The following SREBF2 variants were observed in gnomAD, a reference collection of about 807,000 sequenced individuals.
SREBF2 encodes the protein sterol regulatory element binding transcription factor 2, also known as sterol regulatory element-binding protein 2.
In SREBF2, 55 loss-of-function variants were observed where a neutral mutation model predicts 113.1. The ratio of observed to expected loss-of-function variants is 0.49; its 90% confidence interval spans 0.39 to 0.61. The LOEUF (loss-of-function observed/expected upper bound fraction) is 0.61, where lower values mean the gene tolerates loss of function less well. Ranked by LOEUF, SREBF2 falls within the 20% of genes least tolerant of loss-of-function variation. The pLI is 0.00. For synonymous variants in SREBF2, 593 were observed against 605.7 expected (o/e 0.98, Z 0.31); for missense variants, 1,349 against 1,487.4 (o/e 0.91, Z 1.53).
rs760768724 is a variant in SREBF2 at position 41,898,729 on chromosome 22, C to A, written c.2686C>A (p.Arg896Ser). ...GCTCCAGGGAGACGATGCAGCTGTG[C>A]GCTCTCATTTTACCAAAGTGGAACG... ...SWLQGDDAAV[R>S]SHFTKVERIP... The change falls in exon 15 of 19, where the codon CGC becomes AGC. Residue 896 changes from arginine (R) to serine (S), a missense_variant. This residue lies in a region of SREBF2 where 650 missense variants were observed against 644.1 expected (regional missense o/e 1.01). Transcript: ENST00000361204. The A allele has an allele frequency of 6.2e-7, 1 of 1,614,046 alleles. No homozygotes were observed. The highest frequency in any genetic ancestry group is 8.5e-7 in the Non-Finnish European group (1 of 1,179,984).
At chr22:41,850,187 C>T (rs970710987) in intron 1 of SREBF2, among the ~76,000 whole-genome samples, 7 of 151,768 alleles carry the variant, frequency 4.6e-5, no homozygotes, top group African/African-American at 1.5e-4. Context: ...CCGTGGCTTA[C>T]GCCTGTAATC....
chr22:41,836,012 C>A (rs2076771233), intron 1 of SREBF2, among the ~76,000 whole-genome samples: 1 of 152,260 alleles, frequency 6.6e-6, no homozygotes, highest in Non-Finnish European at 1.5e-5. Context: ...GAAACTACCA[C>A]CCTCTGGAAA....
intron 1 of SREBF2, among the ~76,000 whole-genome samples, chr22:41,851,530 G>T (rs2076930324): frequency 6.6e-6 from 1 of 151,640 alleles, no homozygotes; most frequent in Non-Finnish European, 1.5e-5. Flanking sequence ...TCTTGCTCTT[G>T]TCCCCCAGTC....
At chr22:41,846,890 A>C (rs536673632) in intron 1 of SREBF2, among the ~76,000 whole-genome samples, 1 of 152,210 alleles carries the variant, frequency 6.6e-6, no homozygotes, top group African/African-American at 2.4e-5. Flanking sequence ...GGAGTTGGTT[A>C]GGTTTCTCTT....
Position 41,875,631 on chromosome 22 carries a change from G to T in SREBF2, c.1293G>T (p.Met431Ile). The T allele has an allele frequency of 6.2e-7, 1 of 1,614,100 alleles. No homozygotes were observed. The highest frequency in any genetic ancestry group is 1.1e-5 in the South Asian group (1 of 91,078). Residue 431 changes from methionine to isoleucine, a missense_variant, in exon 7 of 19, where the codon ATG becomes ATT. Around this residue, in one of 2 missense-constraint regions of SREBF2, gnomAD observed 699 missense variants for 843.3 expected, o/e 0.83. Transcript: ENST00000361204. The stretch of plus-strand genomic sequence containing the variant: ...ACTTTAATCAGAATGTCCTTCTGAT[G>T]TCCCCCCCAGCCTCTGACTCAGGGT... ...IEDFNQNVLLMSPPASDSGSQ... is the reference protein window; with the variant it reads ...IEDFNQNVLLISPPASDSGSQ...
At position 41,873,851 on chromosome 22, in the gene SREBF2, G is replaced by T. The variant is rs773034267; in HGVS notation, c.921G>T (p.Gly307=). 54 of 1,613,084 alleles carry T rather than the reference G, an allele frequency of 3.3e-5. No homozygotes were observed. The South Asian group carries it at 5.7e-4, about 17-fold the overall frequency. The part of the protein sequence containing the change: ...TILTTMPVMM[G]QEKVPIKQVP... ...TGACCACAATGCCTGTAATGATGGG[G>T]CAAGAGAAAGTGCCCATTAAGCAGG... The change falls in exon 5 of 19, where the codon GGG becomes GGT. Residue 307 remains glycine (G), a synonymous_variant. Transcript: ENST00000361204.
At chr22:41,851,586 C>T (rs182935420) in intron 1 of SREBF2, among the ~76,000 whole-genome samples, 18 of 152,130 alleles carry the variant, frequency 1.2e-4, no homozygotes, top group Admixed American at 8.5e-4. Context: ...CTCCACCTCC[C>T]GGGTTCAAGC....
At chr22:41,905,067 C>T (rs1234387200) in intron 18 of SREBF2, 93 bp downstream of exon 18, 3 of 1,174,622 alleles carry the variant, frequency 2.6e-6, no homozygotes, top group Non-Finnish European at 1.2e-6. Flanking sequence ...CCACATCTGG[C>T]ATTGGTGCCC....
chr22:41,864,330 T>A (rs1436044171), intron 1 of SREBF2, among the ~76,000 whole-genome samples: 6 of 137,884 alleles, frequency 4.4e-5, no homozygotes, highest in South Asian at 2.3e-4. Flanking sequence ...TATATTTTTT[T>A]TTTTTTTTGA....
At chr22:41,875,870 T>C in intron 7 of SREBF2, 146 bp downstream of exon 7, 1 of 968,518 alleles carries the variant, frequency 1.0e-6, no homozygotes, top group Non-Finnish European at 1.6e-6. Flanking sequence ...ATTAGCCAGG[T>C]CCTGGAGAAT....
chr22:41,882,818 A>G (rs192372915), intron 10 of SREBF2, among the ~76,000 whole-genome samples: 41 of 152,324 alleles, frequency 2.7e-4, no homozygotes, highest in Admixed American at 1.1e-3. Flanking sequence ...AAAAGAAAGG[A>G]TAAAGGCTGG....
At chr22:41,857,899 A>G (rs2076992421) in intron 1 of SREBF2, among the ~76,000 whole-genome samples, 1 of 152,188 alleles carries the variant, frequency 6.6e-6, no homozygotes, top group Admixed American at 6.5e-5. Flanking sequence ...TGGTTGAAAG[A>G]GCCCAGTTCC....
Position 41,851,681 on chromosome 22 carries a change from G to A in SREBF2, c.89-15150G>A, listed in dbSNP as rs563540845. On this transcript the variant is annotated intron_variant, in intron 1 of 18. Transcript: ENST00000361204. ...GCTGATTTTTTGTATTTTAAGTAGA[G>A]AGAGGGTTTCACCCTGTTGGCCAGG... Among the ~76,000 whole-genome samples the A allele has an allele frequency of 1.4e-4, 22 of 152,068 alleles. No individual in the cohort carries two copies. In the East Asian group the frequency reaches 4.3e-3, roughly 30 times the overall value.
intron 15 of SREBF2, 143 bp from the exon 16 acceptor site, chr22:41,900,187 T>C: frequency 1.3e-6 from 2 of 1,521,832 alleles, no homozygotes; most frequent in South Asian, 1.2e-5. Flanking sequence ...GCTGGTGGCA[T>C]GGTGCCATAG....
intron 1 of SREBF2, among the ~76,000 whole-genome samples, chr22:41,841,176 G>A (rs1291635490): frequency 6.6e-6 from 1 of 152,166 alleles, no homozygotes; most frequent in Non-Finnish European, 1.5e-5. Context: ...GGTGGAGGTG[G>A]GAGAAGAGTG....
chr22:41,848,999 T>A (rs2076902916), intron 1 of SREBF2, among the ~76,000 whole-genome samples: 1 of 152,110 alleles, frequency 6.6e-6, no homozygotes. Context: ...ATGAAGTTAT[T>A]TTCCAGTAAA....
At position 41,904,856 on chromosome 22, in the gene SREBF2, TC is replaced by T; in HGVS notation, c.3094-3del. On this transcript the variant is annotated splice_region_variant and splice_polypyrimidine_tract_variant and intron_variant, in intron 17 of 18. Transcript: ENST00000361204. ...GTGTGATGGATGTCACCCCGGCACCTCCCCAGGTGTTCCTGCATGAAGCCAC... is the reference window on the plus strand; with the variant it reads ...GTGTGATGGATGTCACCCCGGCACCTCCCAGGTGTTCCTGCATGAAGCCAC... 6.3e-7 allele frequency: 1 copy of T among 1,580,860 alleles called. No homozygotes were observed. The highest frequency in any genetic ancestry group is 8.6e-7 in the Non-Finnish European group (1 of 1,164,982).
intron 17 of SREBF2, among the ~76,000 whole-genome samples, chr22:41,904,049 C>T (rs1257874992): frequency 6.6e-6 from 1 of 152,178 alleles, no homozygotes; most frequent in East Asian, 1.9e-4. Flanking sequence ...CATCAGTGGC[C>T]TTTTTTTCAT....
rs2077081014 is a variant in SREBF2 at position 41,866,860 on chromosome 22, G to A, written c.118G>A (p.Gly40Arg). Reference sequence around the variant, plus strand: ...GCTGCAATTTGTCAGTAATCAAGTGGGAGAGTTCCCTGACTTGTTTTCAGA... The same window carrying A: ...GCTGCAATTTGTCAGTAATCAAGTGAGAGAGTTCCCTGACTTGTTTTCAGA... ...EMLQFVSNQV[G>R]EFPDLFSEQL... The change falls in exon 2 of 19, where the codon GGA (glycine) becomes AGA (arginine). Residue 40 changes from glycine to arginine, a missense_variant. Gly to Arg is a moderately radical substitution (Grantham distance 125, BLOSUM62 -2). Transcript: ENST00000361204. 6.2e-7 allele frequency: 1 copy of A among 1,614,196 alleles called. No individual in the cohort carries two copies. Among genetic ancestry groups the A allele is most frequent in the Non-Finnish European group, 8.5e-7 (1 of 1,180,028 alleles).
Sources: allele counts gnomAD v4.1 joint callset (sites outside exome capture counted in the v4.1 genomes callset), GRCh38; gene constraint gnomAD v4.1.1; regional missense constraint gnomAD v4.1.1; transcripts MANE v1.5; gene names NCBI Gene and HGNC (gene_info 2026-07-23, HGNC 2026-07-21).